The following EYS variants were observed in gnomAD, a reference collection of about 807,000 sequenced individuals.
The protein encoded by EYS is protein eyes shut homolog.
Under a neutral mutation model 282.1 loss-of-function variants are expected in EYS, and 250 were observed. The observed-to-expected ratio is 0.89, with a 90% CI of 0.80 to 0.98. The LOEUF is 0.98. Among genes scored for constraint, EYS ranks in the 50% least tolerant of loss-of-function variants. The probability of loss-of-function intolerance (pLI) is 0.00; values close to 1 mark genes in which losing one functional copy is unlikely to be tolerated. For synonymous variants in EYS, 1,355 were observed against 1,282.9 expected (o/e 1.06, Z -1.20); for missense variants, 4,016 against 3,709.0 (o/e 1.08, Z -2.15).
At chr6:64,838,202 T>C (rs1765447114) in intron 19 of EYS, among the ~76,000 whole-genome samples, 1 of 151,954 alleles carries the variant, frequency 6.6e-6, no homozygotes, top group Admixed American at 6.6e-5. Context: ...TAGCATAGTT[T>C]GGGATTTGAC....
At position 65,205,214 on chromosome 6, in the gene EYS, T is replaced by C. The variant is rs1297014016; in HGVS notation, c.2023+90649A>G. On this transcript the variant is annotated intron_variant, in intron 12 of 42. Coordinates refer to ENST00000503581, the MANE Select transcript of EYS (RefSeq NM_001142800.2). The stretch of plus-strand genomic sequence containing the variant: ...CTCAAAGTAAAGGGGTAGTAAAAGA[T>C]ATAGCACACAAATGGAAAACAAAAG... 2.0e-5 allele frequency among the ~76,000 whole-genome samples: 3 copies of C among 150,778 alleles called. No individual in the cohort carries two copies. In the East Asian group the frequency reaches 5.8e-4, roughly 29 times the overall value.
At chr6:64,342,017 G>A (rs1425289823) in intron 29 of EYS, among the ~76,000 whole-genome samples, 1 of 151,444 alleles carries the variant, frequency 6.6e-6, no homozygotes, top group Non-Finnish European at 1.5e-5. Flanking sequence ...GAGGGAAATG[G>A]GTGGAGGTCA....
intron 26 of EYS, among the ~76,000 whole-genome samples, chr6:64,577,135 C>G (rs760581972): frequency 6.6e-6 from 1 of 152,080 alleles, no homozygotes; most frequent in African/African-American, 2.4e-5. Context: ...TCTGAGGAAG[C>G]ATGACCCTGC....
chr6:65,298,804 C>T (rs1174779691), intron 11 of EYS, among the ~76,000 whole-genome samples: 5 of 151,368 alleles, frequency 3.3e-5, no homozygotes, highest in Non-Finnish European at 5.9e-5. Context: ...TTTATCTTTC[C>T]ATTTAATGAT....
chr6:64,268,290 A>G (rs904641951), intron 30 of EYS, among the ~76,000 whole-genome samples: 10 of 152,148 alleles, frequency 6.6e-5, no homozygotes, highest in African/African-American at 1.9e-4. Context: ...CTGATTTAGG[A>G]AAACAAGAGG....
intron 36 of EYS, among the ~76,000 whole-genome samples, chr6:63,838,409 G>T (rs889912352): frequency 6.6e-6 from 1 of 152,064 alleles, no homozygotes; most frequent in Non-Finnish European, 1.5e-5. Flanking sequence ...AATTCCTCTA[G>T]GGTCCTTGAC....
chr6:65,198,890 G>A (rs1765833360), intron 12 of EYS, among the ~76,000 whole-genome samples: 1 of 152,202 alleles, frequency 6.6e-6, no homozygotes. Flanking sequence ...TGATTGGGGG[G>A]TGCTGAGGCA....
intron 36 of EYS, among the ~76,000 whole-genome samples, chr6:63,817,077 C>T (rs1771197112): frequency 6.6e-6 from 1 of 152,182 alleles, no homozygotes; most frequent in South Asian, 2.1e-4. Context: ...ATTTCAGTTA[C>T]TAAACTCAAA....
At chr6:65,554,025 G>A (rs576596038) in intron 2 of EYS, among the ~76,000 whole-genome samples, 35 of 152,232 alleles carry the variant, frequency 2.3e-4, no homozygotes, top group African/African-American at 7.9e-4. Flanking sequence ...TGAGGGCTCT[G>A]CCTTTATGAG....
intron 22 of EYS, among the ~76,000 whole-genome samples, chr6:64,709,019 T>TAC (rs36018580): frequency 1.1e-4 from 16 of 151,094 alleles, no homozygotes; most frequent in South Asian, 6.3e-4. Context: ...CATGCACACA[T>TAC]ACACACACAC....
At chr6:65,260,017 T>C (rs1004960818) in intron 12 of EYS, among the ~76,000 whole-genome samples, 6 of 152,032 alleles carry the variant, frequency 3.9e-5, no homozygotes, top group African/African-American at 1.4e-4. Context: ...GACCGGGTAA[T>C]TTGTAAAGTA....
At chr6:64,896,896 G>A (rs1012804672) in intron 18 of EYS, among the ~76,000 whole-genome samples, 3 of 152,100 alleles carry the variant, frequency 2.0e-5, no homozygotes, top group Non-Finnish European at 4.4e-5. Context: ...TAGACAGACC[G>A]CCTCTCTAGA....
chr6:64,006,396 T>C (rs1325234236), intron 33 of EYS, among the ~76,000 whole-genome samples: 2 of 152,138 alleles, frequency 1.3e-5, no homozygotes, highest in African/African-American at 4.8e-5. Flanking sequence ...GGGCAGAGAC[T>C]ATGGTGTGTT....
chr6:64,439,373 T>C lies in EYS; in HGVS notation c.5645-21A>G, dbSNP rs1192280175. ...GAAATCTGTGGAGTCAGAAAGAAAA[T>C]ACAATTTAGGTTGAAATAAATATTC... On this transcript the variant is annotated intron_variant, in intron 26 of 42. Coordinates refer to ENST00000503581, the MANE Select transcript of EYS (RefSeq NM_001142800.2). 4.9e-6 allele frequency: 7 copies of C among 1,439,142 alleles called. No homozygotes were observed. In the East Asian group the frequency reaches 1.6e-4, roughly 34 times the overall value. 89.1% of individuals were successfully genotyped at this position (1,439,142 alleles called of 1,614,324 possible).
chr6:64,454,942 A>G (rs1775504990), intron 26 of EYS, among the ~76,000 whole-genome samples: 1 of 152,206 alleles, frequency 6.6e-6, no homozygotes, highest in Non-Finnish European at 1.5e-5. Flanking sequence ...TTCTCAAGTT[A>G]ACGTATAGAA....
At chr6:65,000,511 C>G (rs1482101808) in intron 13 of EYS, among the ~76,000 whole-genome samples, 3 of 152,170 alleles carry the variant, frequency 2.0e-5, no homozygotes, top group Non-Finnish European at 4.4e-5. Flanking sequence ...GTGGCTCACA[C>G]TTGTAATCCC....
chr6:63,788,358 G>T, intron 38 of EYS, 109 bp from the exon 39 acceptor site: 5 of 857,642 alleles, frequency 5.8e-6, no homozygotes, highest in Non-Finnish European at 5.3e-6. Context: ...AATTTACAAA[G>T]ACCTGAATTT....
chr6:65,673,740 T>C (rs1385895996), intron 1 of EYS, among the ~76,000 whole-genome samples: 1 of 152,070 alleles, frequency 6.6e-6, no homozygotes, highest in Non-Finnish European at 1.5e-5. Context: ...GGTCTGTTAC[T>C]GGACTGTATA....
intron 22 of EYS, among the ~76,000 whole-genome samples, chr6:64,629,498 A>C (rs1767713827): frequency 1.3e-5 from 2 of 152,136 alleles, no homozygotes. Context: ...TGAGTTTTTC[A>C]ATTTATGTTA....
Sources: allele counts gnomAD v4.1 joint callset (sites outside exome capture counted in the v4.1 genomes callset), GRCh38; gene constraint gnomAD v4.1.1; transcripts MANE v1.5; gene names NCBI Gene and HGNC (gene_info 2026-07-23, HGNC 2026-07-21).